The following VPS13C variants were observed in gnomAD, a reference collection of about 807,000 sequenced individuals.
The protein encoded by VPS13C is intermembrane lipid transfer protein VPS13C.
Under a neutral mutation model 456.8 loss-of-function variants are expected in VPS13C, and 358 were observed. The observed-to-expected ratio is 0.78, with a 90% CI of 0.72 to 0.86. The LOEUF is 0.86. Among genes scored for constraint, VPS13C ranks in the 40% least tolerant of loss-of-function variants. The pLI, the probability that VPS13C is intolerant of heterozygous loss-of-function variation, is 0.00. For missense variants in VPS13C, 4,818 were observed against 4,385.4 expected, an observed-to-expected ratio of 1.10 and a Z score of -2.79; for synonymous variants, 1,578 against 1,486.7, an observed-to-expected ratio of 1.06 and a Z score of -1.41.
chr15:61,872,104 G>T, intron 78 of VPS13C, 70 bp from the exon 79 acceptor site: 1 of 1,310,446 alleles, frequency 7.6e-7, no homozygotes, highest in East Asian at 2.3e-5. Context: ...ACCACTAGAG[G>T]TCTCTACAGA....
At chr15:61,917,986 A>G in intron 59 of VPS13C, 150 bp downstream of exon 59, 2 of 735,116 alleles carry the variant, frequency 2.7e-6, no homozygotes, top group East Asian at 6.1e-5. Flanking sequence ...ATTCAATGAT[A>G]ATATAAATGT....
chr15:61,917,881 A>T (rs909908238), intron 59 of VPS13C, among the ~76,000 whole-genome samples: 3 of 152,170 alleles, frequency 2.0e-5, no homozygotes, highest in Non-Finnish European at 4.4e-5. Flanking sequence ...AAGACAACTT[A>T]AAAAAATTTT....
intron 45 of VPS13C, among the ~76,000 whole-genome samples, chr15:61,942,922 C>T (rs1418014802): frequency 6.6e-6 from 1 of 152,022 alleles, no homozygotes; most frequent in African/African-American, 2.4e-5. Flanking sequence ...GGTAAAGTTT[C>T]AGGATACAAA....
At chr15:61,896,231 C>A (rs2042806907) in intron 66 of VPS13C, among the ~76,000 whole-genome samples, 1 of 152,034 alleles carries the variant, frequency 6.6e-6, no homozygotes, top group Non-Finnish European at 1.5e-5. Context: ...AAAAAATAAA[C>A]TAATAAGGGG....
chr15:61,952,474 G>T (rs992360535), intron 38 of VPS13C, among the ~76,000 whole-genome samples: 3 of 151,918 alleles, frequency 2.0e-5, no homozygotes, highest in African/African-American at 7.3e-5. Flanking sequence ...ATATTACAAA[G>T]AATATTTAAA....
intron 81 of VPS13C, chr15:61,866,228 A>G (rs1166140012): frequency 1.0e-6 from 1 of 984,902 alleles, no homozygotes; most frequent in Admixed American, 6.2e-5. Flanking sequence ...TCATTAGTGT[A>G]TAATCATTCT....
intron 38 of VPS13C, 105 bp from the exon 39 acceptor site, chr15:61,952,085 A>C: frequency 7.7e-7 from 1 of 1,300,856 alleles, no homozygotes; most frequent in Non-Finnish European, 1.1e-6. Flanking sequence ...AGAAATTCAC[A>C]CAATGTTAAG....
chr15:61,982,881 C>A (rs1045544717), intron 20 of VPS13C, among the ~76,000 whole-genome samples: 2 of 152,162 alleles, frequency 1.3e-5, no homozygotes, highest in African/African-American at 4.8e-5. Context: ...GAAGATGAAA[C>A]AGTACTTCTC....
chr15:61,987,683 A>G (rs2046097131), intron 18 of VPS13C, among the ~76,000 whole-genome samples: 1 of 152,184 alleles, frequency 6.6e-6, no homozygotes, highest in Non-Finnish European at 1.5e-5. Context: ...GCAAATTAAA[A>G]CCACAGTCGA....
In VPS13C at chr15:61,991,766, C is replaced by G; in HGVS notation, c.1390G>C (p.Ala464Pro). 6.2e-7 allele frequency: 1 copy of G among 1,613,202 alleles called. No individual in the cohort carries two copies. ...CCTCCACGTTTCTCGCCTGTGTCAGCAGACTTTTTCCTTAATTTTTGCCCA... is the reference window on the plus strand; with the variant it reads ...CCTCCACGTTTCTCGCCTGTGTCAGGAGACTTTTTCCTTAATTTTTGCCCA... ...RSGQKLRKKS[A>P]DTGEKRGGWF... Residue 464 changes from alanine to proline, a missense_variant, in exon 17 of 85, where the codon GCT becomes CCT. Coordinates refer to ENST00000644861, the MANE Select transcript of VPS13C (RefSeq NM_020821.3).
intron 37 of VPS13C, among the ~76,000 whole-genome samples, 163 bp from the exon 38 acceptor site, chr15:61,954,717 A>G (rs928291859): frequency 6.6e-6 from 1 of 152,178 alleles, no homozygotes; most frequent in African/African-American, 2.4e-5. Flanking sequence ...TGGAAGAGAC[A>G]TATACATTTA....
intron 81 of VPS13C, chr15:61,865,859 T>C (rs1894548125): frequency 3.2e-6 from 3 of 936,848 alleles, no homozygotes; most frequent in Middle Eastern, 5.5e-4. Flanking sequence ...GGAAATATAA[T>C]ATATGATTCA....
chr15:61,952,385 C>T (rs1026306806), intron 38 of VPS13C, among the ~76,000 whole-genome samples: 1 of 152,128 alleles, frequency 6.6e-6, no homozygotes, highest in African/African-American at 2.4e-5. Context: ...CAAACAATGC[C>T]AAATATCCAT....
chr15:61,861,224 A>G (rs564413841), intron 82 of VPS13C, among the ~76,000 whole-genome samples: 4 of 151,984 alleles, frequency 2.6e-5, no homozygotes, highest in Non-Finnish European at 4.4e-5. Context: ...CGGCCTCTCA[A>G]AAGTGCTGGG....
chr15:61,959,188 G>C (rs1228867245), intron 36 of VPS13C, among the ~76,000 whole-genome samples: 2 of 151,976 alleles, frequency 1.3e-5, no homozygotes, highest in Non-Finnish European at 2.9e-5. Flanking sequence ...TATAATACAT[G>C]AGATATAGTA....
At chr15:62,039,850 C>A (rs1384044369) in intron 3 of VPS13C, among the ~76,000 whole-genome samples, 1 of 152,150 alleles carries the variant, frequency 6.6e-6, no homozygotes, top group Non-Finnish European at 1.5e-5. Context: ...CCCAATCCCA[C>A]TGCTAGGTAT....
chr15:61,907,289 T>A lies in VPS13C; in HGVS notation c.9080A>T (p.Asn3027Ile). ...TRKLTWTYAA[N>I]VGEHDLLKDG... ...CTTTAACAGATCATGTTCCCCAACA[T>A]TTGCTGCATATGTCCATGTAAGTTT... The change falls in exon 66 of 85, where the codon AAT (asparagine) becomes ATT (isoleucine). Residue 3027 changes from asparagine to isoleucine, a missense_variant. Physicochemically the swap from Asn to Ile is moderately radical, Grantham distance 149 (BLOSUM62 -3). Around this residue, in one of 3 missense-constraint regions of VPS13C, gnomAD observed 4,552 missense variants for 4,130.6 expected, o/e 1.10. Coordinates refer to ENST00000644861, the MANE Select transcript of VPS13C (RefSeq NM_020821.3). 6.2e-7 allele frequency: 1 copy of A among 1,613,952 alleles called. No individual in the cohort carries two copies.
chr15:62,001,218 G>C (rs1010024033), intron 15 of VPS13C, among the ~76,000 whole-genome samples: 11 of 152,066 alleles, frequency 7.2e-5, no homozygotes, highest in African/African-American at 2.2e-4. Context: ...TTTTATATAC[G>C]AGAACACTAG....
At chr15:62,039,304 G>T (rs2048164309) in intron 3 of VPS13C, among the ~76,000 whole-genome samples, 1 of 151,944 alleles carries the variant, frequency 6.6e-6, no homozygotes, top group Non-Finnish European at 1.5e-5. Flanking sequence ...GAAGCTAGAG[G>T]CCATTATCTT....
Sources: allele counts gnomAD v4.1 joint callset (sites outside exome capture counted in the v4.1 genomes callset), GRCh38; gene constraint gnomAD v4.1.1; regional missense constraint gnomAD v4.1.1; transcripts MANE v1.5; gene names NCBI Gene and HGNC (gene_info 2026-07-23, HGNC 2026-07-21).